TTC39A: variants seen among roughly 807,000 people sequenced by gnomAD.
TTC39A encodes the protein tetratricopeptide repeat protein 39A.
TTC39A carries 46 observed loss-of-function variants against 82.3 expected under a neutral mutation model. The observed-to-expected ratio is 0.56, with a 90% CI of 0.44 to 0.71. TTC39A has a LOEUF of 0.71. Among genes scored for constraint, TTC39A ranks in the 30% least tolerant of loss-of-function variants. The pLI, the probability that TTC39A is intolerant of heterozygous loss-of-function variation, is 0.00. For synonymous variants in TTC39A, 254 were observed against 275.2 expected (o/e 0.92, Z 0.76); for missense variants, 543 against 712.9 (o/e 0.76, Z 2.71).
intron 6 of TTC39A, among the ~76,000 whole-genome samples, chr1:51,306,487 C>T (rs997633268): frequency 5.9e-5 from 9 of 152,144 alleles, no homozygotes; most frequent in African/African-American, 9.7e-5. Flanking sequence ...CCAGTAGCAT[C>T]GTCTCCCTAG....
intron 1 of TTC39A, among the ~76,000 whole-genome samples, chr1:51,322,863 A>G (rs1455759934): frequency 1.3e-5 from 2 of 152,222 alleles, no homozygotes; most frequent in African/African-American, 4.8e-5. Flanking sequence ...GTAAACTCCT[A>G]CATATACCTT....
intron 1 of TTC39A, chr1:51,322,305 A>G (rs1645560054): frequency 1.4e-6 from 2 of 1,415,048 alleles, no homozygotes; most frequent in Non-Finnish European, 1.8e-6. Flanking sequence ...CTGTCACACT[A>G]TGGGTCAGCA....
At chr1:51,296,281 C>T in intron 12 of TTC39A, 111 bp from the exon 13 acceptor site, 1 of 1,022,792 alleles carries the variant, frequency 9.8e-7, no homozygotes, top group Non-Finnish European at 1.5e-6. Flanking sequence ...CCCGTTGTCT[C>T]CAAGCCCCAG....
At chr1:51,305,198 G>T (rs1453246608) in intron 7 of TTC39A, 52 bp from the exon 8 acceptor site, 1 of 1,568,850 alleles carries the variant, frequency 6.4e-7, no homozygotes, top group East Asian at 2.3e-5. Context: ...GTGGGCAGGG[G>T]CCACCCCCAC....
chr1:51,301,629 C>A lies in TTC39A; in HGVS notation c.996G>T (p.Gln332His). 2 of 1,613,760 alleles carry A rather than the reference C, an allele frequency of 1.2e-6. No homozygotes were observed. Among genetic ancestry groups the A allele is most frequent in the Non-Finnish European group, 1.7e-6 (2 of 1,179,746 alleles). ...ELMWCFTYKG[Q>H]WKMSYFYADL... ...CGGCGTAGAAGTAGGACATCTTCCA[C>A]TGGCCCTTGTAGGTGAAGCACCACA... Residue 332 changes from glutamine to histidine, a missense_variant, in exon 12 of 18, where the codon CAG becomes CAT. Gln to His is a conservative substitution (Grantham distance 24). Coordinates refer to ENST00000680483, the MANE Select transcript of TTC39A (RefSeq NM_001297663.2).
chr1:51,296,114 G>A lies in TTC39A; in HGVS notation c.1110C>T (p.His370=), dbSNP rs781162271. 1.9e-6 allele frequency: 3 copies of A among 1,598,640 alleles called. 1 individual carries two copies. In the East Asian group the frequency reaches 6.8e-5, roughly 36 times the overall value. The change falls in exon 13 of 18, where the codon CAC becomes CAT. Residue 370 remains histidine (H), a synonymous_variant. Coordinates refer to ENST00000680483, the MANE Select transcript of TTC39A (RefSeq NM_001297663.2). ...CCACTTCGTCGTCCCCGAACGGCTT[G>A]TGGTCCTCCTTCCCAAACATGCTGA... is the stretch of plus-strand genomic sequence containing the variant. ...AYLSMFGKED[H]KPFGDDEVEL... is the part of the protein sequence containing the mutation.
intron 8 of TTC39A, among the ~76,000 whole-genome samples, chr1:51,303,872 A>C (rs1644774809): frequency 6.6e-6 from 1 of 152,014 alleles, no homozygotes; most frequent in Non-Finnish European, 1.5e-5. Flanking sequence ...CTGAAATCCT[A>C]CTCATGACCC....
chr1:51,330,701 G>A (rs1645886353), upstream of TTC39A: 39 of 890,014 alleles, frequency 4.4e-5, no homozygotes, highest in Non-Finnish European at 5.3e-5. The surrounding 1 kb of genome is among the most constrained non-coding windows in gnomAD (Gnocchi z 4.5). Context: ...ACCGCCGGGG[G>A]TTCTGGGCGG....
chr1:51,314,048 G>A (rs1645192513), intron 2 of TTC39A, among the ~76,000 whole-genome samples: 1 of 152,208 alleles, frequency 6.6e-6, no homozygotes, highest in Non-Finnish European at 1.5e-5. Context: ...GACAGAGCTT[G>A]TGTGTGACTC....
At chr1:51,289,120 G>A (rs1449466977) in intron 16 of TTC39A, among the ~76,000 whole-genome samples, 165 bp from the exon 17 acceptor site, 3 of 152,084 alleles carry the variant, frequency 2.0e-5, no homozygotes, top group Non-Finnish European at 4.4e-5. Flanking sequence ...TTGGGCTCCA[G>A]CTCCCTGACA....
Position 51,316,871 on chromosome 1 carries a change from GGGGA to G in TTC39A, c.147-3932_147-3929del. On this transcript the variant is annotated intron_variant, in intron 2 of 17. Coordinates refer to ENST00000680483, the MANE Select transcript of TTC39A (RefSeq NM_001297663.2). Reference sequence around the variant, plus strand: ...CCAAGGTAAATGACGCCAACCCAAGGGGGAGGGCAAACCACACACACAGCAGTCA... The same window carrying G: ...CCAAGGTAAATGACGCCAACCCAAGGGGGCAAACCACACACACAGCAGTCA... Among the ~76,000 whole-genome samples, 4 of 152,308 alleles carry G rather than the reference GGGGA, an allele frequency of 2.6e-5. No individual in the cohort carries two copies. In the East Asian group the frequency reaches 5.8e-4, roughly 22 times the overall value.
At chr1:51,319,757 C>A (rs948789147) in intron 2 of TTC39A, among the ~76,000 whole-genome samples, 1 of 150,024 alleles carries the variant, frequency 6.7e-6, no homozygotes, top group African/African-American at 2.5e-5. Flanking sequence ...ATGGAGCAAT[C>A]TCTGCTCACT....
intron 1 of TTC39A, among the ~76,000 whole-genome samples, chr1:51,341,118 C>A (rs1304867300): frequency 1.3e-5 from 2 of 152,262 alleles, no homozygotes; most frequent in East Asian, 3.9e-4. Flanking sequence ...GCCGAGATCG[C>A]ACCATTGCAT....
At chr1:51,302,320 G>T in intron 11 of TTC39A, 37 bp downstream of exon 11, 1 of 1,576,096 alleles carries the variant, frequency 6.3e-7, no homozygotes, top group African/African-American at 1.4e-5. Context: ...GAGACCCCGA[G>T]GGATCCCCAG....
intron 16 of TTC39A, 90 bp from the exon 17 acceptor site, chr1:51,289,045 G>T: frequency 7.9e-7 from 1 of 1,260,280 alleles, no homozygotes; most frequent in Non-Finnish European, 1.1e-6. Flanking sequence ...TCCAATTTTG[G>T]GAGGTTCCCA....
At chr1:51,299,116 G>C (rs1439943019) in intron 12 of TTC39A, 1 of 152,208 alleles carries the variant, frequency 6.6e-6, no homozygotes, top group Non-Finnish European at 1.5e-5. Context: ...AAGAAGTAAG[G>C]GAATTGATCT....
chr1:51,288,060 A>AAAGGC lies in TTC39A; in HGVS notation c.*92_*96dup. On this transcript the variant is annotated 3_prime_UTR_variant, in exon 18 of 18. Transcript: ENST00000680483. This position sits in a 1 kb window ranked among gnomAD's most constrained non-coding sequence, Gnocchi z 4.8. ...TCCAACTGGAGTGCCGGTGGACCCC[A>AAAGGC]AAGGCAGGGCAGGGCAGGGGGAGGG... 6.6e-7 allele frequency: 1 copy of AAAGGC among 1,525,820 alleles called. No individual in the cohort carries two copies. The highest frequency in any genetic ancestry group is 2.2e-4 in the Middle Eastern group (1 of 4,630). 94.5% of individuals were successfully genotyped at this position (1,525,820 alleles called of 1,614,324 possible).
intron 5 of TTC39A, 79 bp downstream of exon 5, chr1:51,311,175 T>C: frequency 7.2e-7 from 1 of 1,389,840 alleles, no homozygotes; most frequent in Non-Finnish European, 9.8e-7. Flanking sequence ...TCACAGTTGC[T>C]CTAGGGGATG....
intron 7 of TTC39A, 131 bp downstream of exon 7, chr1:51,305,846 C>T (rs1033122797): frequency 1.2e-5 from 11 of 887,572 alleles, no homozygotes; most frequent in Non-Finnish European, 1.8e-5. Flanking sequence ...CATGTCTGGT[C>T]ACCTCTGGAT....
Sources: allele counts gnomAD v4.1 joint callset (sites outside exome capture counted in the v4.1 genomes callset), GRCh38; gene constraint gnomAD v4.1.1; non-coding constraint Gnocchi (gnomAD v3.1); transcripts MANE v1.5; gene names NCBI Gene and HGNC (gene_info 2026-07-23, HGNC 2026-07-21).